Variants in NSF observed in about 807,000 individuals in gnomAD.
NSF encodes N-ethylmaleimide sensitive factor, vesicle fusing ATPase, also known as vesicle-fusing ATPase.
A neutral mutation model predicts 50.3 loss-of-function variants in NSF; 14 were observed. That is an observed-to-expected ratio of 0.28 (90% CI 0.18 to 0.44). NSF has a LOEUF of 0.44. Ranked by LOEUF, NSF falls within the 20% of genes least tolerant of loss-of-function variation. NSF has a pLI of 1.00. For synonymous variants in NSF, 109 were observed against 175.7 expected, an observed-to-expected ratio of 0.62 and a Z score of 3.00; for missense variants, 218 against 504.3, an observed-to-expected ratio of 0.43 and a Z score of 5.44.
At chr17:46,754,645 G>C (rs749500091) in intron 19 of NSF, among the ~76,000 whole-genome samples, 2 of 152,308 alleles carry the variant, frequency 1.3e-5, no homozygotes, top group East Asian at 1.9e-4. Context: ...AACCAGTCGA[G>C]ATAGCTAATA....
chr17:46,595,605 C>T (rs2057863030), intron 1 of NSF, among the ~76,000 whole-genome samples: 1 of 131,102 alleles, frequency 7.6e-6, no homozygotes, highest in Admixed American at 7.8e-5. Flanking sequence ...GATTCTCCCG[C>T]CTCAGCCTCC....
chr17:46,742,770 C>T (rs1028139517), intron 17 of NSF, among the ~76,000 whole-genome samples: 2 of 152,226 alleles, frequency 1.3e-5, no homozygotes, highest in Middle Eastern at 3.4e-3. Flanking sequence ...ATGGATGATA[C>T]GTGGTTTCTA....
chr17:46,728,954 A>T lies in NSF; in HGVS notation c.1908+20A>T. 1 of 1,408,834 alleles carries T rather than the reference A, an allele frequency of 7.1e-7. No individual in the cohort carries two copies. The highest frequency in any genetic ancestry group is 9.9e-7 in the Non-Finnish European group (1 of 1,007,224). 87.3% of individuals were successfully genotyped at this position (1,408,834 alleles called of 1,614,324 possible). ...CCTCAGGTAAAATAATACTACTAATAAGGAATATTTTAACAAAGAGTTTTT... is the reference window on the plus strand; with the variant it reads ...CCTCAGGTAAAATAATACTACTAATTAGGAATATTTTAACAAAGAGTTTTT... On this transcript the variant is annotated intron_variant, in intron 17 of 20. Transcript: ENST00000398238.
chr17:46,707,663 CGT>C (rs2058669397), intron 13 of NSF, among the ~76,000 whole-genome samples: 2 of 152,072 alleles, frequency 1.3e-5, no homozygotes, highest in Admixed American at 1.3e-4. Context: ...GCTTATTTGA[CGT>C]AGCATAATGT....
At position 46,610,101 on chromosome 17, in the gene NSF, C is replaced by T. The variant is rs1303845986; in HGVS notation, c.13-14143C>T. The stretch of plus-strand genomic sequence containing the variant: ...CCTTCTTTCTTTCTTTTCTCTCTTT[C>T]TCTCTCTCTCTCTCTCTCTCTCTCT... On this transcript the variant is annotated intron_variant, in intron 1 of 20. Coordinates refer to ENST00000398238, the MANE Select transcript of NSF (RefSeq NM_006178.4). Among the ~76,000 whole-genome samples, 34 of 36,364 alleles carry T rather than the reference C, an allele frequency of 9.3e-4. No individual in the cohort carries two copies. In the East Asian group the frequency reaches 0.036, roughly 38 times the overall value. The allele number at this position is 36,364 out of a possible 152,430, so 23.9% of individuals were successfully genotyped here.
At chr17:46,730,089 T>C (rs192593960) in intron 17 of NSF, among the ~76,000 whole-genome samples, 23 of 152,250 alleles carry the variant, frequency 1.5e-4, no homozygotes, top group Admixed American at 1.4e-3. Context: ...ATATCTAAAG[T>C]TGCTGAAACA....
At chr17:46,621,126 G>A (rs2058061862) in intron 1 of NSF, among the ~76,000 whole-genome samples, 1 of 140,204 alleles carries the variant, frequency 7.1e-6, no homozygotes. Flanking sequence ...AAATTCAGTG[G>A]CTACTCTCTA....
intron 16 of NSF, 61 bp from the exon 17 acceptor site, chr17:46,728,792 CTG>C (rs2058919089): frequency 1.0e-6 from 1 of 961,904 alleles, no homozygotes; most frequent in Non-Finnish European, 1.5e-6. Flanking sequence ...AAAACAAAAA[CTG>C]AATGTTTGGA....
chr17:46,732,411 C>CT (rs1729038763), intron 17 of NSF, among the ~76,000 whole-genome samples: 1 of 151,512 alleles, frequency 6.6e-6, no homozygotes, highest in Non-Finnish European at 1.5e-5. Flanking sequence ...CCAAGCCCTC[C>CT]TTTTTTCCCT....
intron 20 of NSF, 197 bp downstream of exon 20, chr17:46,755,566 C>A: frequency 1.5e-6 from 1 of 688,270 alleles, no homozygotes. Flanking sequence ...CTTCGCAAAA[C>A]TTCCTTGTCA....
At chr17:46,741,471 T>C (rs1285747574) in intron 17 of NSF, among the ~76,000 whole-genome samples, 1 of 152,206 alleles carries the variant, frequency 6.6e-6, no homozygotes, top group African/African-American at 2.4e-5. Flanking sequence ...AGAAGTAGAC[T>C]AAGAATTTGC....
chr17:46,745,353 C>T (rs1015685183), intron 17 of NSF, among the ~76,000 whole-genome samples: 1 of 152,206 alleles, frequency 6.6e-6, no homozygotes, highest in Non-Finnish European at 1.5e-5. Flanking sequence ...TTAAAGATGA[C>T]GCTTTACAAG....
intron 15 of NSF, among the ~76,000 whole-genome samples, chr17:46,718,812 A>G (rs1470558450): frequency 6.6e-6 from 1 of 152,256 alleles, no homozygotes; most frequent in Non-Finnish European, 1.5e-5. Context: ...TGCCTGGGAT[A>G]TAATATGAAA....
chr17:46,714,628 G>A (rs1023620809), intron 15 of NSF, among the ~76,000 whole-genome samples: 2 of 152,156 alleles, frequency 1.3e-5, no homozygotes, highest in Non-Finnish European at 2.9e-5. Flanking sequence ...ATTCAAGCAA[G>A]TGCCATGCAA....
chr17:46,657,404 C>T (rs560480097), intron 8 of NSF, among the ~76,000 whole-genome samples: 109 of 152,268 alleles, frequency 7.2e-4, no homozygotes, highest in African/African-American at 2.5e-3. Context: ...TTTCAAGAGA[C>T]TTGGAGTCTA....
chr17:46,735,789 A>G (rs1309984357), intron 17 of NSF, among the ~76,000 whole-genome samples: 1 of 152,162 alleles, frequency 6.6e-6, no homozygotes, highest in Non-Finnish European at 1.5e-5. Flanking sequence ...TACTAAAAAT[A>G]CAAAAATTAG....
intron 17 of NSF, among the ~76,000 whole-genome samples, chr17:46,740,724 C>A (rs959534689): frequency 6.6e-6 from 1 of 150,726 alleles, no homozygotes. Flanking sequence ...TACAATGGCA[C>A]GATTTCGGCT....
intron 1 of NSF, among the ~76,000 whole-genome samples, chr17:46,601,878 T>TAA (rs533376609): frequency 0.087 from 12,189 of 140,062 alleles, 348 homozygotes; most frequent in East Asian, 0.42. Context: ...CCCACTCCTT[T>TAA]AAAAAAAAAA....
chr17:46,740,599 A>C (rs1225356519), intron 17 of NSF, among the ~76,000 whole-genome samples: 8 of 151,996 alleles, frequency 5.3e-5, no homozygotes, highest in African/African-American at 1.2e-4. Flanking sequence ...GAGAGCATGC[A>C]CAGAACCCTT....
Sources: gnomAD v4.1 joint callset for allele counts (sites outside exome capture counted in the v4.1 genomes callset) on GRCh38, gnomAD v4.1.1 for gene constraint, MANE v1.5 for transcripts, NCBI Gene and HGNC (gene_info 2026-07-23, HGNC 2026-07-21) for gene names.